Variants in TIAM1 observed in about 807,000 individuals in gnomAD.
TIAM1 encodes the protein TIAM Rac1 associated GEF 1.
TIAM1 carries 65 observed loss-of-function variants against 163.5 expected under a neutral mutation model. That is an observed-to-expected ratio of 0.40 (90% CI 0.33 to 0.49). TIAM1 has a LOEUF of 0.49. TIAM1 is among the 20% of genes least tolerant of loss of function. The pLI, the probability that TIAM1 is intolerant of heterozygous loss-of-function variation, is 0.77. For missense variants in TIAM1, 1,789 were observed against 2,044.7 expected (o/e 0.87, Z 2.41); for synonymous variants, 833 against 810.1 (o/e 1.03, Z -0.48).
rs149922769 is a variant in TIAM1 at position 31,186,984 on chromosome 21, C to T, written c.2662+17G>A. 2.5e-3 allele frequency: 4,040 copies of T among 1,612,478 alleles called. 4 individuals are homozygous for T. Among genetic ancestry groups the T allele is most frequent in the Admixed American group, 4.6e-3 (278 of 60,022 alleles). On this transcript the variant is annotated intron_variant, in intron 14 of 27. Coordinates refer to ENST00000541036, the MANE Select transcript of TIAM1 (RefSeq NM_001353694.2). ...GGCATTTAAGACAGACAGACCAGCC[C>T]TCCTTCACTGACTTACCTTTCTTGG...
chr21:31,254,422 G>A (rs1276985759), intron 4 of TIAM1, among the ~76,000 whole-genome samples: 1 of 152,228 alleles, frequency 6.6e-6, no homozygotes, highest in Admixed American at 6.5e-5. Flanking sequence ...AGCAGGGCAT[G>A]GTGGCTCATG....
intron 1 of TIAM1, among the ~76,000 whole-genome samples, chr21:31,509,759 G>A (rs865843793): frequency 1.3e-5 from 2 of 152,126 alleles, no homozygotes; most frequent in Admixed American, 1.3e-4. Context: ...CAACAAAGAC[G>A]GGGCTGCATG....
intron 2 of TIAM1, among the ~76,000 whole-genome samples, chr21:31,316,627 G>A (rs1011551310): frequency 6.6e-6 from 1 of 152,130 alleles, no homozygotes; most frequent in Non-Finnish European, 1.5e-5. Context: ...TTGTGTGATG[G>A]GCATGCCTAT....
rs139914842 is a variant in TIAM1, at chr21:31,170,260, C to T, written c.2888-5195G>A. 1.5e-3 allele frequency among the ~76,000 whole-genome samples: 232 copies of T among 152,222 alleles called. 2 individuals carry two copies. Among genetic ancestry groups the T allele is most frequent in the Non-Finnish European group, 3.1e-4 (21 of 68,022 alleles). On this transcript the variant is annotated intron_variant, in intron 15 of 27. Coordinates refer to ENST00000541036, the MANE Select transcript of TIAM1 (RefSeq NM_001353694.2). ...AAGCCTCAAAAATGTCAGACACAATCGATTAGTCAGGATACAGAAGATGTA... is the reference window on the plus strand; with the variant it reads ...AAGCCTCAAAAATGTCAGACACAATTGATTAGTCAGGATACAGAAGATGTA...
At chr21:31,529,067 G>A (rs1040255123) in intron 1 of TIAM1, among the ~76,000 whole-genome samples, 18 of 150,944 alleles carry the variant, frequency 1.2e-4, no homozygotes, top group East Asian at 8.1e-4. Flanking sequence ...GACTACAGGC[G>A]CCCACCATGC....
chr21:31,436,553 G>A (rs549087043), intron 2 of TIAM1, among the ~76,000 whole-genome samples: 5 of 152,148 alleles, frequency 3.3e-5, no homozygotes, highest in African/African-American at 1.2e-4. Context: ...CTTGAACCTG[G>A]GAGGTAGAGG....
chr21:31,273,190 G>A (rs891086085), intron 3 of TIAM1, among the ~76,000 whole-genome samples: 11 of 152,126 alleles, frequency 7.2e-5, no homozygotes, highest in African/African-American at 2.4e-4. Context: ...TTATACCAAG[G>A]GTGAGTACGG....
rs1256783241 is a variant in TIAM1 at position 31,546,787 on chromosome 21, CT to C, written c.-422+12139del. Among the ~76,000 whole-genome samples, 3 of 152,280 alleles carry C rather than the reference CT, an allele frequency of 2.0e-5. No individual in the cohort carries two copies. The East Asian group carries it at 5.8e-4, about 29-fold the overall frequency. On this transcript the variant is annotated intron_variant, in intron 1 of 28. Coordinates refer to the TIAM1 transcript ENST00000286827. Reference sequence around the variant, plus strand: ...TCTGCTCCAGAATTCCACGAAGTAACTTGTTGAAGCTTGAAAAACCTTGAGT... The same window carrying C: ...TCTGCTCCAGAATTCCACGAAGTAACTGTTGAAGCTTGAAAAACCTTGAGT...
At chr21:31,178,775 G>GA in intron 15 of TIAM1, among the ~76,000 whole-genome samples, 1 of 151,864 alleles carries the variant, frequency 6.6e-6, no homozygotes, top group Non-Finnish European at 1.5e-5. Context: ...TTTTTTGATG[G>GA]AGTTTCGCTC....
chr21:31,411,874 G>A (rs2147241584), intron 2 of TIAM1, among the ~76,000 whole-genome samples: 1 of 152,300 alleles, frequency 6.6e-6, no homozygotes, highest in Non-Finnish European at 1.5e-5. Flanking sequence ...AAGAACGTAT[G>A]TAATGGGCAA....
rs190114976 is a variant in TIAM1 at position 31,410,021 on chromosome 21, A to T, written c.-369+53962T>A. On this transcript the variant is annotated intron_variant, in intron 2 of 28. Coordinates refer to the TIAM1 transcript ENST00000286827. ...GAGACAGCCAGGGAAACGCAGCAAC[A>T]TCCTGTCCTGGGAACTGACTGAAGC... Among the ~76,000 whole-genome samples, 365 of 152,298 alleles carry T rather than the reference A, an allele frequency of 2.4e-3. 3 individuals are homozygous for T. The highest frequency in any genetic ancestry group is 0.019 in the South Asian group (93 of 4,826).
exon 1 of TIAM1, chr21:31,558,973 G>A (rs2048994107): frequency 6.6e-6 from 1 of 151,742 alleles, no homozygotes; most frequent in African/African-American, 2.4e-5. Context: ...GGCACGATGC[G>A]GGGCAGCCGT....
rs750907464 is a variant in TIAM1, at chr21:31,266,619, G to A, written c.354C>T (p.Leu118=). 1 of 1,614,242 alleles carries A rather than the reference G, an allele frequency of 6.2e-7. No homozygotes were observed. The highest frequency in any genetic ancestry group is 1.7e-5 in the Admixed American group (1 of 60,032). Residue 118 remains leucine, a synonymous_variant, in exon 4 of 28, where the codon CTC becomes CTT. Coordinates refer to ENST00000541036, the MANE Select transcript of TIAM1 (RefSeq NM_001353694.2). ...GCATGCTCTGCACAGAGGCTGCTGT[G>A]AGGACGATGCTGCTGTCTACGCTGG... The part of the protein sequence containing the change: ...VTPSVDSSIV[L]TAASVQSMPD...
At chr21:31,462,821 C>T (rs1191427576) in intron 2 of TIAM1, among the ~76,000 whole-genome samples, 1 of 151,412 alleles carries the variant, frequency 6.6e-6, no homozygotes, top group Non-Finnish European at 1.5e-5. Context: ...TCGCTCACTG[C>T]AACCTCCGCC....
At chr21:31,346,953 G>A (rs2076158336), upstream of TIAM1, among the ~76,000 whole-genome samples, 1 of 152,022 alleles carries the variant, frequency 6.6e-6, no homozygotes, top group Admixed American at 6.5e-5. Flanking sequence ...GCATGGAGGG[G>A]GAGAAGAGCT....
intron 2 of TIAM1, among the ~76,000 whole-genome samples, 187 bp downstream of exon 2, chr21:31,339,056 G>C (rs1257957281): frequency 6.6e-6 from 1 of 152,112 alleles, no homozygotes; most frequent in African/African-American, 2.4e-5. Context: ...AGGTTCCCAG[G>C]AAACCCATTT....
At chr21:31,417,020 T>G (rs1337039327) in intron 2 of TIAM1, among the ~76,000 whole-genome samples, 1 of 152,230 alleles carries the variant, frequency 6.6e-6, no homozygotes, top group Non-Finnish European at 1.5e-5. Flanking sequence ...TTATTGTATT[T>G]CATTTTATTT....
chr21:31,217,802 A>C, intron 8 of TIAM1, 103 bp from the exon 9 acceptor site: 2 of 1,432,008 alleles, frequency 1.4e-6, no homozygotes, highest in Admixed American at 2.2e-5. Context: ...ACCCTCCTCC[A>C]TCATGCCAGC....
chr21:31,424,060 T>G (rs2043694747), intron 2 of TIAM1, among the ~76,000 whole-genome samples: 1 of 152,234 alleles, frequency 6.6e-6, no homozygotes, highest in African/African-American at 2.4e-5. Context: ...ATAGAAGTTC[T>G]GCTGTTACAG....
Sources: gnomAD v4.1 joint callset for allele counts (sites outside exome capture counted in the v4.1 genomes callset) on GRCh38, gnomAD v4.1.1 for gene constraint, MANE v1.5 for transcripts, NCBI Gene and HGNC (gene_info 2026-07-23, HGNC 2026-07-21) for gene names.